Variants in UGT1A7 observed in about 807,000 individuals in gnomAD.
UGT1A7 encodes UDP-glucuronosyltransferase 1A7.
A neutral mutation model predicts 45.6 loss-of-function variants in UGT1A7; 33 were observed. That is an observed-to-expected ratio of 0.72 (90% CI 0.55 to 0.97). The LOEUF (loss-of-function observed/expected upper bound fraction) is 0.97, where lower values mean the gene tolerates loss of function less well. Among genes scored for constraint, UGT1A7 ranks in the 50% least tolerant of loss-of-function variants. The pLI is 0.00. For missense variants in UGT1A7, 684 were observed against 666.2 expected, an observed-to-expected ratio of 1.03 and a Z score of -0.29; for synonymous variants, 274 against 250.6, an observed-to-expected ratio of 1.09 and a Z score of -0.88.
chr2:233,713,465 G>T lies in UGT1A7; in HGVS notation c.855+30673G>T, dbSNP rs147117995. ...TAACAGACCCCTTTCACCTCTGCGCGGCGGTGCTGGCTAAGTACCTGTCGA... is the reference window on the plus strand; with the variant it reads ...TAACAGACCCCTTTCACCTCTGCGCTGCGGTGCTGGCTAAGTACCTGTCGA... On this transcript the variant is annotated intron_variant, in intron 1 of 4. Transcript: ENST00000373426. 3.1e-6 allele frequency: 5 copies of T among 1,613,916 alleles called. No homozygotes were observed. In the African/African-American group the frequency reaches 5.3e-5, roughly 17 times the overall value.
At chr2:233,696,854 A>G (rs1038185212) in intron 1 of UGT1A7, among the ~76,000 whole-genome samples, 3 of 152,116 alleles carry the variant, frequency 2.0e-5, no homozygotes, top group East Asian at 1.9e-4. Flanking sequence ...AATTTTGTTG[A>G]ATGTTTTTTC....
chr2:233,726,367 A>C (rs994250212), intron 1 of UGT1A7, among the ~76,000 whole-genome samples: 1 of 152,216 alleles, frequency 6.6e-6, no homozygotes, highest in Non-Finnish European at 1.5e-5. Flanking sequence ...AAACACAACA[A>C]AAACCAAAAT....
chr2:233,730,164 C>T (rs556230722), intron 1 of UGT1A7, among the ~76,000 whole-genome samples: 9 of 152,110 alleles, frequency 5.9e-5, no homozygotes, highest in Admixed American at 1.3e-4. Context: ...TCTCTAGTAG[C>T]GTATTTCAGG....
At chr2:233,718,615 G>A (rs2076668120) in intron 1 of UGT1A7, 1 of 856,316 alleles carries the variant, frequency 1.2e-6, no homozygotes, top group Non-Finnish European at 1.4e-6. Flanking sequence ...TTCAAGATAG[G>A]CGTGATTGGT....
chr2:233,736,374 G>A lies in UGT1A7; in HGVS notation c.856-30660G>A, dbSNP rs183988627. On this transcript the variant is annotated intron_variant, in intron 1 of 4. Coordinates refer to ENST00000373426, the MANE Select transcript of UGT1A7 (RefSeq NM_019077.3). ...TTTCAGCTCCATCAGGTCATTTAAG[G>A]TCTTCTCTACAGTGTTTATTCTAGT... Among the ~76,000 whole-genome samples the A allele has an allele frequency of 2.8e-3, 425 of 152,220 alleles. 22 individuals carry two copies. The South Asian group carries it at 0.086, about 31-fold the overall frequency.
intron 1 of UGT1A7, chr2:233,729,362 C>G (rs777664797): frequency 6.2e-7 from 1 of 1,614,044 alleles, no homozygotes; most frequent in Non-Finnish European, 8.5e-7. Context: ...ACCCTGACAA[C>G]CTATGCCATT....
chr2:233,759,887 T>G (rs1697280307), intron 1 of UGT1A7, among the ~76,000 whole-genome samples: 1 of 152,200 alleles, frequency 6.6e-6, no homozygotes, highest in African/African-American at 2.4e-5. Flanking sequence ...GTTCTTTTCT[T>G]TCTAAAAGGC....
At chr2:233,714,970 A>G (rs1219636943) in intron 1 of UGT1A7, among the ~76,000 whole-genome samples, 1 of 152,130 alleles carries the variant, frequency 6.6e-6, no homozygotes, top group Non-Finnish European at 1.5e-5. Context: ...TCCACCTCCC[A>G]GGTTCAACTG....
chr2:233,718,616 C>A (rs573810131), intron 1 of UGT1A7: 11 of 858,600 alleles, frequency 1.3e-5, no homozygotes, highest in South Asian at 5.3e-5. Context: ...TCAAGATAGG[C>A]GTGATTGGTC....
chr2:233,770,228 A>T (rs1355142630), intron 4 of UGT1A7: 1 of 152,236 alleles, frequency 6.6e-6, no homozygotes, highest in Non-Finnish European at 1.5e-5. Context: ...TCTGATTGTG[A>T]ATCTCCATGA....
chr2:233,765,261 T>C (rs1002454529), intron 1 of UGT1A7, among the ~76,000 whole-genome samples: 2 of 152,188 alleles, frequency 1.3e-5, no homozygotes, highest in Admixed American at 1.3e-4. Flanking sequence ...ACTGGGTATA[T>C]ACCCAAAGAA....
At chr2:233,760,585 T>A (rs2125986328) in intron 1 of UGT1A7, 2 of 1,614,208 alleles carry the variant, frequency 1.2e-6, no homozygotes, top group Non-Finnish European at 8.5e-7. Flanking sequence ...GCATAATGTT[T>A]TTGAGAATGA....
rs759121994 is a variant in UGT1A7 at position 233,689,908 on chromosome 2, G to A, written c.855+7116G>A. 104 of 456,562 alleles carry A rather than the reference G, an allele frequency of 2.3e-4. 2 individuals are homozygous for A. The highest frequency in any genetic ancestry group is 1.5e-3 in the South Asian group (94 of 64,560). 28.3% of individuals were successfully genotyped at this position (456,562 alleles called of 1,614,324 possible). ...CTTATTTATTTCTCAGGGCCAGGTA[G>A]GTGCCTGGAATTTCCTTCGAAAGAA... is the stretch of plus-strand genomic sequence containing the variant. On this transcript the variant is annotated intron_variant, in intron 1 of 4. Transcript: ENST00000373426.
intron 1 of UGT1A7, among the ~76,000 whole-genome samples, chr2:233,736,231 C>A (rs570595506): frequency 2.0e-5 from 3 of 152,220 alleles, no homozygotes; most frequent in East Asian, 1.9e-4. Flanking sequence ...TTTTCTCTAA[C>A]CTTGTCTTCT....
In UGT1A7 at chr2:233,748,123, A is replaced by G. The variant is rs1228828484; in HGVS notation, c.856-18911A>G. On this transcript the variant is annotated intron_variant, in intron 1 of 4. Transcript: ENST00000373426. ...ATCCAATCAATGTTCCAGGCAAAAC[A>G]GTTTTTAAAAATTGTATTTACTTAC... The G allele has an allele frequency of 8.7e-6, 14 of 1,610,818 alleles. No individual in the cohort carries two copies. In the Admixed American group the frequency reaches 2.2e-4, roughly 25 times the overall value.
At chr2:233,764,983 T>A (rs1575807741) in intron 1 of UGT1A7, among the ~76,000 whole-genome samples, 1 of 152,200 alleles carries the variant, frequency 6.6e-6, no homozygotes, top group East Asian at 1.9e-4. Flanking sequence ...GGTCAGTGTC[T>A]GGGGCTTTCC....
Position 233,772,398 on chromosome 2 carries a change from C to T in UGT1A7, c.1432C>T (p.Leu478Phe), listed in dbSNP as rs1433976375. 2.5e-6 allele frequency: 4 copies of T among 1,614,118 alleles called. No homozygotes were observed. The highest frequency in any genetic ancestry group is 3.4e-6 in the Non-Finnish European group (4 of 1,180,050). Residue 478 changes from leucine to phenylalanine, a missense_variant, in exon 5 of 5, where the codon CTC (leucine) becomes TTC (phenylalanine). Physicochemically the swap from Leu to Phe is conservative, Grantham distance 22. Transcript: ENST00000373426. Reference protein sequence around the residue: ...APHLRPAAHDLTWYQYHSLDV... With the variant: ...APHLRPAAHDFTWYQYHSLDV... The stretch of plus-strand genomic sequence containing the variant: ...ACACCTGCGCCCCGCAGCCCACGAC[C>T]TCACCTGGTACCAGTACCATTCCTT...
At position 233,682,768 on chromosome 2, in the gene UGT1A7, T is replaced by C. The variant is rs200244233; in HGVS notation, c.831T>C (p.Cys277=). The C allele has an allele frequency of 3.7e-6, 6 of 1,613,586 alleles. No homozygotes were observed. The highest frequency in any genetic ancestry group is 2.7e-5 in the African/African-American group (2 of 75,026). ...TGATCTTCATTGGTGGTATCAACTG[T>C]CATCAGGGAAAGCCAGTGCCTATGG... ...PNMIFIGGIN[C]HQGKPVPMEF... is the part of the protein sequence containing the mutation. Residue 277 remains cysteine, a synonymous_variant, in exon 1 of 5, where the codon TGT becomes TGC. Transcript: ENST00000373426.
intron 1 of UGT1A7, chr2:233,747,125 G>A (rs1221297675): frequency 2.0e-6 from 3 of 1,497,444 alleles, no homozygotes; most frequent in Admixed American, 3.8e-5. Flanking sequence ...TTGCTAAGTG[G>A]CTCAGTGACA....
Sources: gnomAD v4.1 joint callset for allele counts (sites outside exome capture counted in the v4.1 genomes callset) on GRCh38, gnomAD v4.1.1 for gene constraint, MANE v1.5 for transcripts, NCBI Gene and HGNC (gene_info 2026-07-23, HGNC 2026-07-21) for gene names.